The following PIGU variants were observed in gnomAD, a reference collection of about 807,000 sequenced individuals.
PIGU encodes the protein phosphatidylinositol glycan anchor biosynthesis class U.
Under a neutral mutation model 49.9 loss-of-function variants are expected in PIGU, and 24 were observed. That is an observed-to-expected ratio of 0.48 (90% CI 0.35 to 0.68). The LOEUF is 0.68. Ranked by LOEUF, PIGU falls within the 30% of genes least tolerant of loss-of-function variation. The pLI is 0.01. For missense variants in PIGU, 490 were observed against 532.6 expected (o/e 0.92, Z 0.79); for synonymous variants, 220 against 205.7 (o/e 1.07, Z -0.59).
At chr20:34,644,077 G>C (rs1289212078) in intron 4 of PIGU, 87 bp downstream of exon 4, 1 of 1,252,304 alleles carries the variant, frequency 8.0e-7, no homozygotes, top group Non-Finnish European at 1.2e-6. Context: ...TAAAGCATCT[G>C]GATCCTTAAG....
At chr20:34,572,590 G>T (rs1197902456) in intron 11 of PIGU, among the ~76,000 whole-genome samples, 1 of 152,100 alleles carries the variant, frequency 6.6e-6, no homozygotes, top group African/African-American at 2.4e-5. Flanking sequence ...GGAGGTGGAG[G>T]TTGCAGTGAG....
chr20:34,638,109 T>TCCAG (rs1334621895), intron 4 of PIGU, 124 bp from the exon 5 acceptor site: 1 of 1,381,722 alleles, frequency 7.2e-7, no homozygotes, highest in African/African-American at 1.5e-5. Flanking sequence ...GCCCTACCTC[T>TCCAG]CCAGGCTCAT....
intron 7 of PIGU, among the ~76,000 whole-genome samples, chr20:34,606,897 AT>A (rs2146732322): frequency 6.6e-6 from 1 of 152,250 alleles, no homozygotes; most frequent in Admixed American, 6.5e-5. Flanking sequence ...AGTAGCTGGG[AT>A]TACAGGCACC....
At chr20:34,645,037 T>C (rs972904444) in intron 3 of PIGU, among the ~76,000 whole-genome samples, 1 of 151,824 alleles carries the variant, frequency 6.6e-6, no homozygotes, top group South Asian at 2.1e-4. Context: ...CCTATGTTTT[T>C]TGTTTTTTGT....
intron 1 of PIGU, among the ~76,000 whole-genome samples, chr20:34,660,830 T>C: frequency 6.6e-6 from 1 of 152,196 alleles, no homozygotes; most frequent in Non-Finnish European, 1.5e-5. Flanking sequence ...AGGTTGGATA[T>C]TGGACTAGAA....
intron 11 of PIGU, among the ~76,000 whole-genome samples, chr20:34,574,662 C>T (rs1009130128): frequency 1.3e-5 from 2 of 152,184 alleles, no homozygotes; most frequent in Non-Finnish European, 2.9e-5. Flanking sequence ...CTCTCCTCCC[C>T]TTGCCTTGCC....
At chr20:34,610,753 T>C (rs1239822990) in intron 7 of PIGU, among the ~76,000 whole-genome samples, 3 of 151,990 alleles carry the variant, frequency 2.0e-5, no homozygotes, top group Admixed American at 6.6e-5. Flanking sequence ...GCCAAGACAA[T>C]CCTAAGCAAA....
intron 7 of PIGU, among the ~76,000 whole-genome samples, chr20:34,590,323 G>A (rs1174237186): frequency 6.6e-6 from 1 of 152,036 alleles, no homozygotes; most frequent in African/African-American, 2.4e-5. Context: ...TTGGGAGGCC[G>A]AGGCGGGAAC....
chr20:34,587,002 C>T (rs898795314), intron 8 of PIGU, among the ~76,000 whole-genome samples: 1 of 152,194 alleles, frequency 6.6e-6, no homozygotes, highest in Non-Finnish European at 1.5e-5. Flanking sequence ...CCACAAGCTT[C>T]GTGTTCCAAT....
intron 7 of PIGU, among the ~76,000 whole-genome samples, chr20:34,594,635 G>C (rs74924282): frequency 6.6e-6 from 1 of 152,134 alleles, no homozygotes; most frequent in Non-Finnish European, 1.5e-5. Flanking sequence ...TTAACTGGGC[G>C]TGGTGGCAGG....
At position 34,644,241 on chromosome 20, in the gene PIGU, A is replaced by T. The variant is rs372509263; in HGVS notation, c.256-15T>A. The T allele has an allele frequency of 1.7e-4, 265 of 1,588,980 alleles. No individual in the cohort carries two copies. Among genetic ancestry groups the T allele is most frequent in the Non-Finnish European group, 2.1e-4 (246 of 1,157,788 alleles). ...GCATCAGTTATCTGTCAAAAGAAAG[A>T]GAAATAATAGGAAATGGAACACAGT... On this transcript the variant is annotated splice_polypyrimidine_tract_variant and intron_variant, in intron 3 of 11. Coordinates refer to ENST00000217446, the MANE Select transcript of PIGU (RefSeq NM_080476.5).
At chr20:34,612,714 T>C (rs8124952) in intron 7 of PIGU, among the ~76,000 whole-genome samples, 2,452 of 151,110 alleles carry the variant, frequency 0.016, 80 homozygotes, top group African/African-American at 0.057. Context: ...CCTCTGCCTC[T>C]CGGGTTCAAG....
chr20:34,651,870 G>A (rs963502373), intron 2 of PIGU, among the ~76,000 whole-genome samples: 5 of 152,008 alleles, frequency 3.3e-5, no homozygotes, highest in African/African-American at 9.7e-5. Context: ...TTAGGAGGCC[G>A]AGGTGGGAGG....
chr20:34,639,388 A>G (rs1600651238), intron 4 of PIGU, among the ~76,000 whole-genome samples: 2 of 152,096 alleles, frequency 1.3e-5, no homozygotes, highest in Admixed American at 1.3e-4. Flanking sequence ...GCGACAGAGC[A>G]AGACTCCGTC....
chr20:34,659,022 C>T (rs1190951381), intron 1 of PIGU, among the ~76,000 whole-genome samples: 4 of 142,992 alleles, frequency 2.8e-5, no homozygotes, highest in Admixed American at 2.1e-4. Flanking sequence ...CCACCCCCTA[C>T]TGGGAAGTGA....
intron 10 of PIGU, among the ~76,000 whole-genome samples, chr20:34,576,542 C>A (rs1983241891): frequency 6.6e-6 from 1 of 152,262 alleles, no homozygotes; most frequent in Non-Finnish European, 1.5e-5. Flanking sequence ...AGCTGCAAAT[C>A]CAGCAATGGT....
At chr20:34,628,107 G>A (rs1299447216) in intron 6 of PIGU, among the ~76,000 whole-genome samples, 1 of 152,136 alleles carries the variant, frequency 6.6e-6, no homozygotes, top group East Asian at 1.9e-4. Context: ...TTTACTTCCT[G>A]AGTACACAAA....
intron 4 of PIGU, among the ~76,000 whole-genome samples, chr20:34,643,250 A>G (rs1986227050): frequency 6.6e-6 from 1 of 152,152 alleles, no homozygotes; most frequent in Admixed American, 6.6e-5. Context: ...ACACACACAC[A>G]TATAATTCTC....
At chr20:34,610,444 G>A (rs766570785) in intron 7 of PIGU, among the ~76,000 whole-genome samples, 2 of 152,034 alleles carry the variant, frequency 1.3e-5, no homozygotes, top group Non-Finnish European at 1.5e-5. Context: ...ATGAGTGAAC[G>A]CCCATTCACA....
Sources: gnomAD v4.1 joint callset for allele counts (sites outside exome capture counted in the v4.1 genomes callset) on GRCh38, gnomAD v4.1.1 for gene constraint, MANE v1.5 for transcripts, NCBI Gene and HGNC (gene_info 2026-07-23, HGNC 2026-07-21) for gene names.